SCNN1A: variants seen among roughly 807,000 people sequenced by gnomAD.
SCNN1A encodes epithelial sodium channel subunit alpha.
In SCNN1A, 65 loss-of-function variants were observed where a neutral mutation model predicts 68.6. The observed-to-expected ratio is 0.95, with a 90% confidence interval of 0.78 to 1.16. SCNN1A has a LOEUF of 1.16. Among genes scored for constraint, SCNN1A ranks in the 50% most tolerant of loss-of-function variants. SCNN1A has a pLI of 0.00. For missense variants in SCNN1A, 880 were observed against 865.9 expected (o/e 1.02, Z -0.20); for synonymous variants, 357 against 353.3 (o/e 1.01, Z -0.12).
intron 2 of SCNN1A, among the ~76,000 whole-genome samples, chr12:6,366,058 G>A (rs1177154654): frequency 1.3e-5 from 2 of 152,006 alleles, no homozygotes; most frequent in Admixed American, 6.6e-5. Flanking sequence ...GTTTCACCAT[G>A]TTAGCCAGGA....
intron 2 of SCNN1A, among the ~76,000 whole-genome samples, chr12:6,371,695 G>C (rs951429175): frequency 1.3e-5 from 2 of 152,092 alleles, no homozygotes; most frequent in Admixed American, 1.3e-4. Flanking sequence ...GTCATCATGA[G>C]ACCTACTTCC....
chr12:6,365,650 GAA>G (rs139662384), intron 2 of SCNN1A, among the ~76,000 whole-genome samples: 1 of 151,690 alleles, frequency 6.6e-6, no homozygotes, highest in Non-Finnish European at 1.5e-5. Flanking sequence ...TACTGTATTG[GAA>G]AAAAAATGAC....
intron 2 of SCNN1A, 128 bp from the exon 3 acceptor site, chr12:6,363,838 G>C (rs1034045571): frequency 2.2e-6 from 2 of 897,172 alleles, no homozygotes; most frequent in Admixed American, 6.4e-5. Context: ...GCGGGGCTGG[G>C]GTCGTCGTGG....
Position 6,374,584 on chromosome 12 carries a change from G to A in SCNN1A, c.200C>T (p.Thr67Ile). 6.2e-7 allele frequency: 1 copy of A among 1,614,150 alleles called. No homozygotes were observed. Among genetic ancestry groups the A allele is most frequent in the Non-Finnish European group, 8.5e-7 (1 of 1,180,012 alleles). ...ELFEFFCNNT[T>I]IHGAIRLVCS... ...CACCAGGCGGATGGCGCCGTGGATG[G>A]TGGTGTTGTTGCAGAAGAACTCGAA... Residue 67 changes from threonine (T) to isoleucine (I), a missense_variant, in exon 2 of 13, where the codon ACC becomes ATC. Physicochemically the swap from Thr to Ile is moderately conservative, Grantham distance 89. Around this residue, in one of 3 missense-constraint regions of SCNN1A, gnomAD observed 45 missense variants for 76.7 expected, o/e 0.59. Coordinates refer to ENST00000228916, the MANE Select transcript of SCNN1A (RefSeq NM_001038.6). This position sits in a 1 kb window ranked among gnomAD's most constrained non-coding sequence, Gnocchi z 6.2.
intron 4 of SCNN1A, among the ~76,000 whole-genome samples, chr12:6,358,787 G>T (rs755612929): frequency 4.0e-5 from 6 of 148,278 alleles, no homozygotes; most frequent in Non-Finnish European, 8.9e-5. Context: ...TTCAGCCCAG[G>T]AAATCAAAGC....
In SCNN1A at chr12:6,351,650, T is replaced by G. The variant is rs1026339328; in HGVS notation, c.1361-2245A>C. Among the ~76,000 whole-genome samples the G allele has an allele frequency of 7.3e-5, 11 of 150,886 alleles. No individual in the cohort carries two copies. Among genetic ancestry groups the G allele is most frequent in the Non-Finnish European group, 1.6e-4 (11 of 67,768 alleles). On this transcript the variant is annotated intron_variant, in intron 8 of 12. Coordinates refer to ENST00000228916, the MANE Select transcript of SCNN1A (RefSeq NM_001038.6). This position sits in a 1 kb window ranked among gnomAD's most constrained non-coding sequence, Gnocchi z 4.2. ...TCCAGAAGAAAAAAAAAAAAAAAGA[T>G]TCAGAATAGGCAAATCCATAGAGAG... is the stretch of plus-strand genomic sequence containing the variant.
At position 6,374,704 on chromosome 12, in the gene SCNN1A, T is replaced by A; in HGVS notation, c.80A>T (p.Glu27Val). Reference protein sequence around the residue: ...TPGLMKGNKREEQGLGPEPAA... With the variant: ...TPGLMKGNKRVEQGLGPEPAA... ...AGGTTCGGGGCCCAGCCCCTGCTCCTCACGCTTGTTCCCCTTCATGAGCCC... is the reference window on the plus strand; with the variant it reads ...AGGTTCGGGGCCCAGCCCCTGCTCCACACGCTTGTTCCCCTTCATGAGCCC... Residue 27 changes from glutamate (E) to valine (V), a missense_variant, in exon 2 of 13, where the codon GAG becomes GTG. Around this residue, in one of 3 missense-constraint regions of SCNN1A, gnomAD observed 77 missense variants for 67.4 expected, o/e 1.14. Transcript: ENST00000228916. The surrounding 1 kb of genome is among the most constrained non-coding windows in gnomAD (Gnocchi z 6.2). 6.2e-7 allele frequency: 1 copy of A among 1,614,102 alleles called. No individual in the cohort carries two copies. The highest frequency in any genetic ancestry group is 2.2e-5 in the East Asian group (1 of 44,882).
upstream of SCNN1A, among the ~76,000 whole-genome samples, chr12:6,376,472 G>T (rs1272433341): frequency 6.6e-6 from 1 of 152,256 alleles, no homozygotes; most frequent in African/African-American, 2.4e-5. Context: ...CCAGGAAGAG[G>T]CAGGGAAAGC....
chr12:6,354,809 T>G lies in SCNN1A; in HGVS notation c.1183A>C (p.Thr395Pro). 2 of 1,614,036 alleles carry G rather than the reference T, an allele frequency of 1.2e-6. No individual in the cohort carries two copies. Among genetic ancestry groups the G allele is most frequent in the Non-Finnish European group, 1.7e-6 (2 of 1,179,992 alleles). ...DRLGGDYGDC[T>P]KNGSDVPVEN... ...ACAGGAACATCACTGCCATTCTTGG[T>G]GCAGTCGCCATAATCGCCCCCAAGT... Residue 395 changes from threonine (T) to proline (P), a missense_variant, in exon 7 of 13, where the codon ACC becomes CCC. Thr to Pro is a conservative substitution (Grantham distance 38, BLOSUM62 -1). This residue lies in a region of SCNN1A where 758 missense variants were observed against 721.8 expected (regional missense o/e 1.05). Coordinates refer to ENST00000228916, the MANE Select transcript of SCNN1A (RefSeq NM_001038.6).
intron 1 of SCNN1A, 149 bp downstream of exon 1, chr12:6,375,356 G>A (rs1281181413): frequency 4.1e-6 from 6 of 1,450,172 alleles, no homozygotes; most frequent in African/African-American, 2.9e-5. Flanking sequence ...CCCTGACCTC[G>A]AGCTGTGTCC....
At position 6,347,188 on chromosome 12, in the gene SCNN1A, G is replaced by A. The variant is rs1360158037; in HGVS notation, c.*685C>T. 6.5e-6 allele frequency: 1 copy of A among 152,672 alleles called. No homozygotes were observed. The highest frequency in any genetic ancestry group is 2.1e-4 in the South Asian group (1 of 4,856). 9.5% of individuals were successfully genotyped at this position (152,672 alleles called of 1,614,324 possible). A position where few individuals can be genotyped will look rare whatever the true frequency, so the allele number is the denominator to read the frequency against. ...ATGGTTGGGGAAACTTTCAGGCTGA[G>A]GAAATATCTCAAGCAGACATGTAGA... On this transcript the variant is annotated 3_prime_UTR_variant, in exon 13 of 13. Transcript: ENST00000228916.
At chr12:6,350,255 A>T (rs1377484757) in intron 8 of SCNN1A, among the ~76,000 whole-genome samples, 1 of 147,956 alleles carries the variant, frequency 6.8e-6, no homozygotes, top group Non-Finnish European at 1.5e-5. Context: ...ACACGGTGAA[A>T]CCCCGTCTCT....
intron 2 of SCNN1A, among the ~76,000 whole-genome samples, chr12:6,370,396 C>T (rs932089648): frequency 4.6e-5 from 7 of 152,190 alleles, no homozygotes; most frequent in African/African-American, 1.2e-4. Context: ...GCCCCTCTTC[C>T]GTGTCCAGGA....
At chr12:6,371,130 C>T (rs887512882) in intron 2 of SCNN1A, among the ~76,000 whole-genome samples, 10 of 152,178 alleles carry the variant, frequency 6.6e-5, no homozygotes, top group African/African-American at 2.4e-4. Flanking sequence ...CTTTCCTCCT[C>T]TCCCTCTGCT....
chr12:6,363,626 G>A lies in SCNN1A; in HGVS notation c.501C>T (p.Phe167=). Residue 167 remains phenylalanine, a synonymous_variant, in exon 3 of 13, where the codon TTC becomes TTT. Coordinates refer to ENST00000228916, the MANE Select transcript of SCNN1A (RefSeq NM_001038.6). The part of the protein sequence containing the change: ...TLFDLYKYSS[F]TTLVAGSRSR... ...TGCGGGAGCCGGCCACGAGAGTGGT[G>A]AAGGAGCTGTATTTGTACAGGTCAA... 2 of 1,613,376 alleles carry A rather than the reference G, an allele frequency of 1.2e-6. No homozygotes were observed. Among genetic ancestry groups the A allele is most frequent in the Non-Finnish European group, 1.7e-6 (2 of 1,179,622 alleles).
Position 6,374,386 on chromosome 12 carries a change from C to T in SCNN1A, c.398G>A (p.Cys133Tyr). Residue 133 changes from cysteine to tyrosine, a missense_variant, in exon 2 of 13, where the codon TGC (cysteine) becomes TAC (tyrosine). This residue lies in a region of SCNN1A where 758 missense variants were observed against 721.8 expected (regional missense o/e 1.05). Coordinates refer to ENST00000228916, the MANE Select transcript of SCNN1A (RefSeq NM_001038.6). This position sits in a 1 kb window ranked among gnomAD's most constrained non-coding sequence, Gnocchi z 6.2. ...AACCGACCTGTAGGGATTGAGGGTG[C>T]AGATGGTCACTGCGGGGAAGACGAG... ...DKLVFPAVTICTLNPYRYPEI... is the reference protein window; with the variant it reads ...DKLVFPAVTIYTLNPYRYPEI... 2 of 1,614,174 alleles carry T rather than the reference C, an allele frequency of 1.2e-6. No individual in the cohort carries two copies. Among genetic ancestry groups the T allele is most frequent in the South Asian group, 2.2e-5 (2 of 91,080 alleles).
At position 6,347,864 on chromosome 12, in the gene SCNN1A, C is replaced by A; in HGVS notation, c.*9G>T. ...ATCTGCCTTGGTGTGAGAAACCTCT[C>A]CTTCCCTCTCAGGGCCCCCCCAGAG... On this transcript the variant is annotated 3_prime_UTR_variant, in exon 13 of 13. Coordinates refer to ENST00000228916, the MANE Select transcript of SCNN1A (RefSeq NM_001038.6). 3 of 1,599,052 alleles carry A rather than the reference C, an allele frequency of 1.9e-6. No individual in the cohort carries two copies. The highest frequency in any genetic ancestry group is 2.6e-6 in the Non-Finnish European group (3 of 1,172,570).
At chr12:6,355,472 G>A (rs773946304) in intron 5 of SCNN1A, 37 bp from the exon 6 acceptor site, 6 of 1,608,248 alleles carry the variant, frequency 3.7e-6, no homozygotes, top group Non-Finnish European at 5.1e-6. Context: ...GCAGAGGCGG[G>A]AATCCTAGAA....
At chr12:6,366,069 T>A (rs918896639) in intron 2 of SCNN1A, among the ~76,000 whole-genome samples, 2 of 152,100 alleles carry the variant, frequency 1.3e-5, no homozygotes, top group African/African-American at 4.8e-5. Context: ...TTAGCCAGGA[T>A]GGTCTCGATC....
Sources: allele counts gnomAD v4.1 joint callset (sites outside exome capture counted in the v4.1 genomes callset), GRCh38; gene constraint gnomAD v4.1.1; regional missense constraint gnomAD v4.1.1; non-coding constraint Gnocchi (gnomAD v3.1); transcripts MANE v1.5; gene names NCBI Gene and HGNC (gene_info 2026-07-23, HGNC 2026-07-21).